The following HDGFL3 variants were observed in gnomAD, a reference collection of about 807,000 sequenced individuals.
HDGFL3 encodes the protein HDGF like 3.
HDGFL3 carries 6 observed loss-of-function variants against 27.6 expected under a neutral mutation model. That is an observed-to-expected ratio of 0.22 (90% CI 0.12 to 0.43). The LOEUF (loss-of-function observed/expected upper bound fraction) is 0.43, where lower values mean the gene tolerates loss of function less well. Ranked by LOEUF, HDGFL3 falls within the 20% of genes least tolerant of loss-of-function variation. The probability of loss-of-function intolerance (pLI) is 1.00; values close to 1 mark genes in which losing one functional copy is unlikely to be tolerated. For synonymous variants in HDGFL3, 88 were observed against 88.9 expected, an observed-to-expected ratio of 0.99 and a Z score of 0.05; for missense variants, 207 against 250.1, an observed-to-expected ratio of 0.83 and a Z score of 1.16.
intron 1 of HDGFL3, among the ~76,000 whole-genome samples, chr15:83,185,524 T>C (rs966125114): frequency 2.0e-5 from 3 of 152,182 alleles, no homozygotes; most frequent in African/African-American, 7.2e-5. Context: ...AGCTAGAGAC[T>C]GTGTGAGGTT....
At chr15:83,149,942 A>G (rs1207807487) in intron 5 of HDGFL3, among the ~76,000 whole-genome samples, 3 of 152,208 alleles carry the variant, frequency 2.0e-5, no homozygotes, top group Non-Finnish European at 4.4e-5. Flanking sequence ...GAACCATGAC[A>G]ATAGAAAGAT....
chr15:83,123,459 T>C (rs2035455307), downstream of HDGFL3, among the ~76,000 whole-genome samples: 4 of 152,208 alleles, frequency 2.6e-5, no homozygotes, highest in Admixed American at 2.6e-4. Flanking sequence ...AGCTAGTTTC[T>C]CTCTGTTTCT....
intron 2 of HDGFL3, among the ~76,000 whole-genome samples, chr15:83,159,208 A>G (rs977774868): frequency 1.3e-5 from 2 of 152,248 alleles, no homozygotes; most frequent in African/African-American, 4.8e-5. Context: ...ATTAGAAGTG[A>G]CAAAGCAGAT....
At chr15:83,190,846 A>G (rs1407407712) in intron 1 of HDGFL3, among the ~76,000 whole-genome samples, 1 of 152,176 alleles carries the variant, frequency 6.6e-6, no homozygotes, top group East Asian at 1.9e-4. Flanking sequence ...TCCTTACTCC[A>G]GGGACACAAT....
chr15:83,153,161 G>A (rs1054979797), intron 4 of HDGFL3, among the ~76,000 whole-genome samples: 2 of 151,654 alleles, frequency 1.3e-5, no homozygotes, highest in African/African-American at 4.9e-5. Flanking sequence ...CACCACGCCC[G>A]GCTAACTTTT....
At chr15:83,206,800 C>G (rs1472188801) in intron 1 of HDGFL3, among the ~76,000 whole-genome samples, 3 of 152,220 alleles carry the variant, frequency 2.0e-5, no homozygotes, top group Non-Finnish European at 4.4e-5. Flanking sequence ...TCAGGGAAAA[C>G]TCAACAAGTC....
rs1293731136 is a variant in HDGFL3, at chr15:83,129,774, T to A, written c.*9496A>T. ...TGGACTCTGAGGGCCAAGTGGGGCT[T>A]TATTAGGCTGAGCCTCTCCAGGGAA... On this transcript the variant is annotated 3_prime_UTR_variant, in exon 6 of 6. Coordinates refer to ENST00000299633, the MANE Select transcript of HDGFL3 (RefSeq NM_016073.4). 3 of 152,346 alleles carry A rather than the reference T, an allele frequency of 2.0e-5. No homozygotes were observed. Among genetic ancestry groups the A allele is most frequent in the Non-Finnish European group, 4.4e-5 (3 of 68,182 alleles). The allele number at this position is 152,346 out of a possible 1,614,324, so 9.4% of individuals were successfully genotyped here.
exon 4 of HDGFL3, chr15:83,113,167 T>C: frequency 1.9e-6 from 1 of 513,396 alleles, no homozygotes; most frequent in Non-Finnish European, 3.5e-6. Flanking sequence ...TGCTTTGACC[T>C]CTGACCTCTG....
chr15:83,143,125 G>A (rs904958390), intron 5 of HDGFL3, among the ~76,000 whole-genome samples: 1 of 151,848 alleles, frequency 6.6e-6, no homozygotes, highest in African/African-American at 2.4e-5. Context: ...AATCAATTCT[G>A]CCTCAGCTTC....
chr15:83,148,513 T>C (rs2036927209), intron 5 of HDGFL3, among the ~76,000 whole-genome samples: 1 of 151,932 alleles, frequency 6.6e-6, no homozygotes, highest in African/African-American at 2.4e-5. Flanking sequence ...TCCCAGCTAC[T>C]TGGGAGGCTG....
chr15:83,172,531 A>G (rs530266266), intron 1 of HDGFL3, among the ~76,000 whole-genome samples: 1 of 152,290 alleles, frequency 6.6e-6, no homozygotes, highest in East Asian at 1.9e-4. Context: ...AGTAAGCTAG[A>G]GAGTAAATGT....
At chr15:83,184,168 G>C (rs916609437) in intron 1 of HDGFL3, among the ~76,000 whole-genome samples, 6 of 152,152 alleles carry the variant, frequency 3.9e-5, no homozygotes, top group African/African-American at 1.4e-4. Flanking sequence ...ACACAAAAAT[G>C]ATATGCGATA....
In HDGFL3 at chr15:83,207,063, G is replaced by A. The variant is rs981945299; in HGVS notation, c.84+268C>T. ...CTTCCCGGTCGGCACCGGCTTTCCAGGAGGAAGGCAGCGTCGGGCCTGCGG... is the reference window on the plus strand; with the variant it reads ...CTTCCCGGTCGGCACCGGCTTTCCAAGAGGAAGGCAGCGTCGGGCCTGCGG... On this transcript the variant is annotated intron_variant, in intron 1 of 5. Transcript: ENST00000299633. This position sits in a 1 kb window ranked among gnomAD's most constrained non-coding sequence, Gnocchi z 4.8. Among the ~76,000 whole-genome samples, 32 of 152,340 alleles carry A rather than the reference G, an allele frequency of 2.1e-4. No homozygotes were observed. Among genetic ancestry groups the A allele is most frequent in the Admixed American group, 1.7e-3 (26 of 15,308 alleles).
At chr15:83,112,937 T>A in exon 4 of HDGFL3, 2 of 1,470,890 alleles carry the variant, frequency 1.4e-6, no homozygotes, top group Non-Finnish European at 1.9e-6. Context: ...TGTATCTGAT[T>A]AATAACACAA....
rs2037729634 is a variant in HDGFL3 at position 83,207,201 on chromosome 15, C to T, written c.84+130G>A. On this transcript the variant is annotated intron_variant, in intron 1 of 5. Transcript: ENST00000299633. This position sits in a 1 kb window ranked among gnomAD's most constrained non-coding sequence, Gnocchi z 4.8. ...CCCGGTCTTCTTCGTGCCGCGCCGCCCTCAGCCCTCACCACAGCCGGCCGC... is the reference window on the plus strand; with the variant it reads ...CCCGGTCTTCTTCGTGCCGCGCCGCTCTCAGCCCTCACCACAGCCGGCCGC... 2 of 543,758 alleles carry T rather than the reference C, an allele frequency of 3.7e-6. No homozygotes were observed. Among genetic ancestry groups the T allele is most frequent in the Non-Finnish European group, 2.8e-6 (1 of 356,842 alleles). 33.7% of individuals were successfully genotyped at this position (543,758 alleles called of 1,614,324 possible). A position where few individuals can be genotyped will look rare whatever the true frequency, so the allele number is the denominator to read the frequency against.
chr15:83,124,358 A>G (rs1280657123), downstream of HDGFL3, among the ~76,000 whole-genome samples: 1 of 152,192 alleles, frequency 6.6e-6, no homozygotes, highest in Non-Finnish European at 1.5e-5. Context: ...AACGGTTAAT[A>G]GTGGTGTGGC....
downstream of HDGFL3, among the ~76,000 whole-genome samples, chr15:83,124,185 T>C (rs2035523655): frequency 6.6e-6 from 1 of 152,162 alleles, no homozygotes; most frequent in Non-Finnish European, 1.5e-5. Flanking sequence ...AGGCAGATGT[T>C]GAGAGCAAAA....
intron 3 of HDGFL3, chr15:83,121,925 A>C (rs1198142114): frequency 1.3e-6 from 2 of 1,598,506 alleles, no homozygotes; most frequent in Admixed American, 3.6e-5. Flanking sequence ...TTACAGGGAA[A>C]CTTATAGAAC....
At chr15:83,195,591 TACTC>T (rs1237455254) in intron 1 of HDGFL3, among the ~76,000 whole-genome samples, 2 of 152,078 alleles carry the variant, frequency 1.3e-5, no homozygotes, top group African/African-American at 4.8e-5. Context: ...CCAGAAGAGA[TACTC>T]AATAAACACC....
Sources: allele counts gnomAD v4.1 joint callset (sites outside exome capture counted in the v4.1 genomes callset), GRCh38; gene constraint gnomAD v4.1.1; non-coding constraint Gnocchi (gnomAD v3.1); transcripts MANE v1.5; gene names NCBI Gene and HGNC (gene_info 2026-07-23, HGNC 2026-07-21).